TINAGL1: variants seen among roughly 807,000 people sequenced by gnomAD.
TINAGL1 encodes the protein tubulointerstitial nephritis antigen like 1.
A neutral mutation model predicts 62.0 loss-of-function variants in TINAGL1; 34 were observed. That is an observed-to-expected ratio of 0.55 (90% CI 0.42 to 0.73). The LOEUF is 0.73. TINAGL1 is among the 30% of genes least tolerant of loss of function. TINAGL1 has a pLI of 0.00. For synonymous variants in TINAGL1, 221 were observed against 249.7 expected, an observed-to-expected ratio of 0.88 and a Z score of 1.08; for missense variants, 516 against 653.2, an observed-to-expected ratio of 0.79 and a Z score of 2.29.
In TINAGL1 at chr1:31,587,300, T is replaced by G; in HGVS notation, c.*321T>G. 6 of 240,818 alleles carry G rather than the reference T, an allele frequency of 2.5e-5. No homozygotes were observed. The highest frequency in any genetic ancestry group is 2.4e-5 in the Non-Finnish European group (3 of 127,170). The allele number at this position is 240,818 out of a possible 1,614,324, so 14.9% of individuals were successfully genotyped here. A position where few individuals can be genotyped will look rare whatever the true frequency, so the allele number is the denominator to read the frequency against. On this transcript the variant is annotated 3_prime_UTR_variant, in exon 12 of 12. Coordinates refer to ENST00000271064, the MANE Select transcript of TINAGL1 (RefSeq NM_022164.3). ...GGACACCTCAAGTCTCCAGCCCCAC[T>G]ACCCCACCCCACTCCTGTATTCTTT...
rs1385529206 is a variant in TINAGL1, at chr1:31,583,168, C to A, written c.394C>A (p.Gln132Lys). 6.2e-7 allele frequency: 1 copy of A among 1,614,168 alleles called. No homozygotes were observed. The highest frequency in any genetic ancestry group is 8.5e-7 in the Non-Finnish European group (1 of 1,180,022). Residue 132 changes from glutamine (Q) to lysine (K), a missense_variant, in exon 4 of 12, where the codon CAG (glutamine) becomes AAG (lysine). Coordinates refer to ENST00000271064, the MANE Select transcript of TINAGL1 (RefSeq NM_022164.3). The surrounding 1 kb of genome is among the most constrained non-coding windows in gnomAD (Gnocchi z 4.4). ...CNRCTCQENR[Q>K]WQCDQEPCLV... The stretch of plus-strand genomic sequence containing the variant: ...CACCAGCACCTGCCAGGAGAACAGG[C>A]AGTGGCAGTGTGACCAAGAACCATG...
At chr1:31,581,932 C>T (rs1241157520) in intron 3 of TINAGL1, among the ~76,000 whole-genome samples, 2 of 152,188 alleles carry the variant, frequency 1.3e-5, no homozygotes, top group African/African-American at 2.4e-5. Flanking sequence ...AACAAATATT[C>T]ATTGGGTGCT....
intron 3 of TINAGL1, chr1:31,580,343 G>A: frequency 3.1e-6 from 4 of 1,282,986 alleles, no homozygotes; most frequent in Non-Finnish European, 3.0e-6. Context: ...ACCTGTGTGG[G>A]CAGCCCTGGG....
In TINAGL1 at chr1:31,579,240, G is replaced by A. The variant is rs1277949445; in HGVS notation, c.347G>A (p.Gly116Glu). 1 of 1,613,964 alleles carries A rather than the reference G, an allele frequency of 6.2e-7. No individual in the cohort carries two copies. The highest frequency in any genetic ancestry group is 1.3e-5 in the African/African-American group (1 of 74,894). Residue 116 changes from glycine (G) to glutamate (E), a missense_variant, in exon 3 of 12, where the codon GGA (glycine) becomes GAA (glutamate). Coordinates refer to ENST00000271064, the MANE Select transcript of TINAGL1 (RefSeq NM_022164.3). Reference sequence around the variant, plus strand: ...GGAGGTCGTATCTATCCAGTCTTGGGAACGTACTGGGACAACTGTAACCGT... The same window carrying A: ...GGAGGTCGTATCTATCCAGTCTTGGAAACGTACTGGGACAACTGTAACCGT... ...MHGGRIYPVLGTYWDNCNRCT... is the reference protein window; with the variant it reads ...MHGGRIYPVLETYWDNCNRCT...
chr1:31,580,718 C>T (rs1639222506), intron 3 of TINAGL1: 1 of 1,265,994 alleles, frequency 7.9e-7, no homozygotes, highest in Non-Finnish European at 1.0e-6. Flanking sequence ...AGTTCAGCAT[C>T]TTGTAATAAC....
rs567382924 is a variant in TINAGL1 at position 31,582,565 on chromosome 1, G to A, written c.375-584G>A. ...ACTTAGGTTTAGCAGGGTCACTCTGGCAGCTGTGTTAAAAATACCCTGGGA... is the reference window on the plus strand; with the variant it reads ...ACTTAGGTTTAGCAGGGTCACTCTGACAGCTGTGTTAAAAATACCCTGGGA... On this transcript the variant is annotated intron_variant, in intron 3 of 11. Coordinates refer to ENST00000271064, the MANE Select transcript of TINAGL1 (RefSeq NM_022164.3). 8.5e-5 allele frequency among the ~76,000 whole-genome samples: 13 copies of A among 152,256 alleles called. No individual in the cohort carries two copies. In the South Asian group the frequency reaches 2.7e-3, roughly 32 times the overall value.
chr1:31,578,564 T>G (rs1274668987), intron 2 of TINAGL1, among the ~76,000 whole-genome samples: 2 of 147,670 alleles, frequency 1.4e-5, no homozygotes, highest in Non-Finnish European at 3.0e-5. Context: ...TGTGTGTGTG[T>G]GTGTGTGTTG....
chr1:31,583,170 G>T lies in TINAGL1; in HGVS notation c.396G>T (p.Gln132His), dbSNP rs1570211819. The T allele has an allele frequency of 8.1e-6, 13 of 1,614,002 alleles. No homozygotes were observed. Among genetic ancestry groups the T allele is most frequent in the Non-Finnish European group, 1.1e-5 (13 of 1,180,020 alleles). ...CNRCTCQENRQWQCDQEPCLV... is the reference protein window; with the variant it reads ...CNRCTCQENRHWQCDQEPCLV... ...CCAGCACCTGCCAGGAGAACAGGCA[G>T]TGGCAGTGTGACCAAGAACCATGCC... Residue 132 changes from glutamine (Q) to histidine (H), a missense_variant, in exon 4 of 12, where the codon CAG becomes CAT. By Grantham distance (24) the Gln-to-His change is conservative. Coordinates refer to ENST00000271064, the MANE Select transcript of TINAGL1 (RefSeq NM_022164.3). The surrounding 1 kb of genome is among the most constrained non-coding windows in gnomAD (Gnocchi z 4.4).
In TINAGL1 at chr1:31,579,286, G is replaced by C. The variant is rs369798669; in HGVS notation, c.374+19G>C. ...ACCGTTGGTGAGTGTTTGGAGCTTA[G>C]AGGGGTCTTGCTTTGTGAGCCTGTG... On this transcript the variant is annotated intron_variant, in intron 3 of 11. Coordinates refer to ENST00000271064, the MANE Select transcript of TINAGL1 (RefSeq NM_022164.3). The C allele has an allele frequency of 6.3e-5, 101 of 1,611,948 alleles. No homozygotes were observed. Among genetic ancestry groups the C allele is most frequent in the Non-Finnish European group, 7.9e-5 (93 of 1,178,168 alleles).
Position 31,576,533 on chromosome 1 carries a change from G to A in TINAGL1, c.-78G>A, listed in dbSNP as rs1425028742. On this transcript the variant is annotated 5_prime_UTR_variant, in exon 1 of 12. Transcript: ENST00000271064. This position sits in a 1 kb window ranked among gnomAD's most constrained non-coding sequence, Gnocchi z 5.1. Reference sequence around the variant, plus strand: ...CTCTCTTGACTTTGAGCGTCCGGCGGTCGCAGAGCCAGGAGGCGGAGGCGC... The same window carrying A: ...CTCTCTTGACTTTGAGCGTCCGGCGATCGCAGAGCCAGGAGGCGGAGGCGC... 6.6e-6 allele frequency: 1 copy of A among 152,298 alleles called. No individual in the cohort carries two copies. Among genetic ancestry groups the A allele is most frequent in the Non-Finnish European group, 1.5e-5 (1 of 68,124 alleles). 9.4% of individuals were successfully genotyped at this position (152,298 alleles called of 1,614,324 possible). A position where few individuals can be genotyped will look rare whatever the true frequency, so the allele number is the denominator to read the frequency against.
In TINAGL1 at chr1:31,580,201, C is replaced by G. The variant is rs866396591; in HGVS notation, c.374+934C>G. 1,406 of 465,382 alleles carry G rather than the reference C, an allele frequency of 3.0e-3. 6 individuals are homozygous for G. The highest frequency in any genetic ancestry group is 6.2e-3 in the South Asian group (127 of 20,324). 28.8% of individuals were successfully genotyped at this position (465,382 alleles called of 1,614,324 possible). ...TCTCTCTCTCTCTCTCTCTCTCTCT[C>G]TCTCTCTCTCTGTCTCTCTCTCTCT... On this transcript the variant is annotated intron_variant, in intron 3 of 11. Transcript: ENST00000271064.
chr1:31,586,898 CG>C lies in TINAGL1; in HGVS notation c.1325del (p.Gly442AlafsTer41). The C allele has an allele frequency of 6.5e-7, 1 of 1,548,678 alleles. No individual in the cohort carries two copies. The highest frequency in any genetic ancestry group is 8.7e-7 in the Non-Finnish European group (1 of 1,149,112). On this transcript the variant is annotated frameshift_variant, in exon 12 of 12. Coordinates refer to ENST00000271064, the MANE Select transcript of TINAGL1 (RefSeq NM_022164.3). LOFTEE classifies it high-confidence loss of function. ...AGAGGGGCCACTTCCGCATCGTGCG[CG>C]GCGTCAATGAGTGCGACATCGAGAG... is the stretch of plus-strand genomic sequence containing the variant. ...GERGHFRIVR[G>X]VNECDIESFV...
At chr1:31,586,230 T>A in intron 10 of TINAGL1, 1 of 297,038 alleles carries the variant, frequency 3.4e-6, no homozygotes, top group South Asian at 5.8e-5. Flanking sequence ...AGTTTCCCTA[T>A]CCGATTTAGG....
At position 31,585,091 on chromosome 1, in the gene TINAGL1, T is replaced by C. The variant is rs1639351460; in HGVS notation, c.857+55T>C. The C allele has an allele frequency of 5.1e-6, 8 of 1,566,146 alleles. No individual in the cohort carries two copies. The South Asian group carries it at 7.1e-5, about 14-fold the overall frequency. ...AAGAGGGCAAGGAGCTCCGTGGGCATGGCCTGGGCCATGATGCACTGAGTC... is the reference window on the plus strand; with the variant it reads ...AAGAGGGCAAGGAGCTCCGTGGGCACGGCCTGGGCCATGATGCACTGAGTC... On this transcript the variant is annotated intron_variant, in intron 7 of 11. Transcript: ENST00000271064. This position sits in a 1 kb window ranked among gnomAD's most constrained non-coding sequence, Gnocchi z 4.3.
Position 31,583,914 on chromosome 1 carries a change from C to A in TINAGL1, c.582+339C>A. The A allele has an allele frequency of 3.8e-6, 1 of 262,318 alleles. No individual in the cohort carries two copies. Among genetic ancestry groups the A allele is most frequent in the Non-Finnish European group, 7.4e-6 (1 of 135,418 alleles). 16.2% of individuals were successfully genotyped at this position (262,318 alleles called of 1,614,324 possible). A position where few individuals can be genotyped will look rare whatever the true frequency, so the allele number is the denominator to read the frequency against. ...GGTATTTTGGGAAGGGAAGGACACA[C>A]ACTCCTCCAGTTCTGGCCAGAGGGC... is the stretch of plus-strand genomic sequence containing the variant. On this transcript the variant is annotated intron_variant, in intron 5 of 11. Transcript: ENST00000271064. The surrounding 1 kb of genome is among the most constrained non-coding windows in gnomAD (Gnocchi z 4.4).
chr1:31,583,354 C>T lies in TINAGL1; in HGVS notation c.468-107C>T. 1 of 1,469,060 alleles carries T rather than the reference C, an allele frequency of 6.8e-7. No individual in the cohort carries two copies. The highest frequency in any genetic ancestry group is 9.4e-7 in the Non-Finnish European group (1 of 1,059,726). 91.0% of individuals were successfully genotyped at this position (1,469,060 alleles called of 1,614,324 possible). A position where few individuals can be genotyped will look rare whatever the true frequency, so the allele number is the denominator to read the frequency against. On this transcript the variant is annotated intron_variant, in intron 4 of 11. Transcript: ENST00000271064. The surrounding 1 kb of genome is among the most constrained non-coding windows in gnomAD (Gnocchi z 4.4). ...AGGCCACTCCTACACCCAGATTTGA[C>T]TGTGTGTGCGCTCAGCCACTGTGCG...
Position 31,584,409 on chromosome 1 carries a change from C to A in TINAGL1, c.583-269C>A. ...GACCTGGCCTGGCCACTTCTCTGTG[C>A]CTGGCCTCAGCTGCCTCATCTGGGA... On this transcript the variant is annotated intron_variant, in intron 5 of 11. Coordinates refer to ENST00000271064, the MANE Select transcript of TINAGL1 (RefSeq NM_022164.3). The surrounding 1 kb of genome is among the most constrained non-coding windows in gnomAD (Gnocchi z 4.0). 2.1e-6 allele frequency: 1 copy of A among 482,788 alleles called. No homozygotes were observed. The highest frequency in any genetic ancestry group is 3.8e-6 in the Non-Finnish European group (1 of 262,460). The allele number at this position is 482,788 out of a possible 1,614,324, so 29.9% of individuals were successfully genotyped here. A position where few individuals can be genotyped will look rare whatever the true frequency, so the allele number is the denominator to read the frequency against.
chr1:31,585,042 C>A lies in TINAGL1; in HGVS notation c.857+6C>A. 1 of 1,590,938 alleles carries A rather than the reference C, an allele frequency of 6.3e-7. No homozygotes were observed. The highest frequency in any genetic ancestry group is 8.6e-7 in the Non-Finnish European group (1 of 1,164,620). Reference sequence around the variant, plus strand: ...TGGTTCCTGCGTCGCCGAGGGTATGCAGCAACAGGGGATGTGGGCAGAGAA... The same window carrying A: ...TGGTTCCTGCGTCGCCGAGGGTATGAAGCAACAGGGGATGTGGGCAGAGAA... On this transcript the variant is annotated splice_donor_region_variant and intron_variant, in intron 7 of 11. Coordinates refer to ENST00000271064, the MANE Select transcript of TINAGL1 (RefSeq NM_022164.3). This position sits in a 1 kb window ranked among gnomAD's most constrained non-coding sequence, Gnocchi z 4.3.
Position 31,576,731 on chromosome 1 carries a change from A to C in TINAGL1, c.-16+136A>C, listed in dbSNP as rs1200308819. 1 of 175,112 alleles carries C rather than the reference A, an allele frequency of 5.7e-6. No homozygotes were observed. Among genetic ancestry groups the C allele is most frequent in the Non-Finnish European group, 1.2e-5 (1 of 82,826 alleles). The allele number at this position is 175,112 out of a possible 1,614,324, so 10.8% of individuals were successfully genotyped here. A position where few individuals can be genotyped will look rare whatever the true frequency, so the allele number is the denominator to read the frequency against. On this transcript the variant is annotated intron_variant, in intron 1 of 11. Transcript: ENST00000271064. The surrounding 1 kb of genome is among the most constrained non-coding windows in gnomAD (Gnocchi z 5.1). ...GGACAGAGGGACACAGGAACAGAAG[A>C]GAGGTGTACCCAAAAGACCGGGGGA...
Sources: gnomAD v4.1 joint callset for allele counts (sites outside exome capture counted in the v4.1 genomes callset) on GRCh38, gnomAD v4.1.1 for gene constraint, Gnocchi (gnomAD v3.1) non-coding constraint, MANE v1.5 for transcripts, NCBI Gene and HGNC (gene_info 2026-07-23, HGNC 2026-07-21) for gene names.